The following PIAS4 variants were observed in gnomAD, a reference collection of about 807,000 sequenced individuals.
PIAS4 encodes the protein protein inhibitor of activated STAT 4.
PIAS4 carries 7 observed loss-of-function variants against 58.0 expected under a neutral mutation model. The observed-to-expected ratio is 0.12, with a 90% confidence interval of 0.07 to 0.23. PIAS4 has a LOEUF of 0.23. Ranked by LOEUF, PIAS4 falls within the 10% of genes least tolerant of loss-of-function variation. The pLI, the probability that PIAS4 is intolerant of heterozygous loss-of-function variation, is 1.00. For synonymous variants in PIAS4, 364 were observed against 312.4 expected (o/e 1.17, Z -1.74); for missense variants, 550 against 709.5 (o/e 0.78, Z 2.55).
chr19:4,015,823 G>A (rs574635921), intron 2 of PIAS4, among the ~76,000 whole-genome samples: 120 of 152,308 alleles, frequency 7.9e-4, no homozygotes, highest in African/African-American at 1.4e-3. Context: ...CGGAATAGCC[G>A]CCGGCCGGCT....
intron 1 of PIAS4, among the ~76,000 whole-genome samples, chr19:4,011,096 G>A (rs1287298180): frequency 6.6e-6 from 1 of 152,238 alleles, no homozygotes; most frequent in South Asian, 2.1e-4. Context: ...AAACCTCAGC[G>A]CCTCCTGGCA....
intron 2 of PIAS4, among the ~76,000 whole-genome samples, chr19:4,017,528 G>T (rs1014062224): frequency 1.3e-5 from 2 of 152,108 alleles, no homozygotes; most frequent in African/African-American, 2.4e-5. Flanking sequence ...TCTTGATCTG[G>T]GGGACCTGGG....
Position 4,037,334 on chromosome 19 carries a change from G to GC in PIAS4, c.1143-39dup. ...AGGGCTGGGGAGTTGGGGGGGTGGG[G>GC]CACCTCCAGCCCCGGCGTCAGCTGT... On this transcript the variant is annotated intron_variant, in intron 9 of 10. Coordinates refer to ENST00000262971, the MANE Select transcript of PIAS4 (RefSeq NM_015897.4). The surrounding 1 kb of genome is among the most constrained non-coding windows in gnomAD (Gnocchi z 5.8). 1 of 1,511,284 alleles carries GC rather than the reference G, an allele frequency of 6.6e-7. No homozygotes were observed. Among genetic ancestry groups the GC allele is most frequent in the Non-Finnish European group, 9.0e-7 (1 of 1,107,382 alleles). 93.6% of individuals were successfully genotyped at this position (1,511,284 alleles called of 1,614,324 possible). A position where few individuals can be genotyped will look rare whatever the true frequency, so the allele number is the denominator to read the frequency against.
chr19:4,032,984 C>T (rs1299413194), intron 7 of PIAS4, 116 bp from the exon 8 acceptor site: 11 of 806,980 alleles, frequency 1.4e-5, no homozygotes, highest in Non-Finnish European at 2.1e-5. Flanking sequence ...GCTTGGGACT[C>T]ATCGTCAGGG....
Position 4,024,092 on chromosome 19 carries a change from A to C in PIAS4, c.511A>C (p.Arg171=), listed in dbSNP as rs1167781909. 1 of 1,613,976 alleles carries C rather than the reference A, an allele frequency of 6.2e-7. No individual in the cohort carries two copies. The highest frequency in any genetic ancestry group is 2.2e-5 in the East Asian group (1 of 44,880). ...ESPCIFALTP[R]QVELIRNSRE... ...CCCGTGCATCTTCGCATTGACGCCA[A>C]GACAGGTGGAGTTGATCCGGAACTC... Residue 171 remains arginine, a synonymous_variant, in exon 3 of 11, where the codon AGA becomes CGA. Coordinates refer to ENST00000262971, the MANE Select transcript of PIAS4 (RefSeq NM_015897.4).
chr19:4,012,883 G>A (rs1568212033), intron 1 of PIAS4, 40 bp from the exon 2 acceptor site: 2 of 1,572,554 alleles, frequency 1.3e-6, no homozygotes, highest in East Asian at 2.3e-5. Flanking sequence ...CTGCCTCGCA[G>A]CTGTGTCCTC....
intron 7 of PIAS4, 101 bp from the exon 8 acceptor site, chr19:4,032,999 G>C (rs1036664445): frequency 1.8e-5 from 17 of 935,668 alleles, no homozygotes; most frequent in Non-Finnish European, 2.9e-5. Flanking sequence ...TCAGGGGCCT[G>C]TTCTGGGAGG....
rs1481836167 is a variant in PIAS4 at position 4,037,036 on chromosome 19, C to T, written c.1143-338C>T. Among the ~76,000 whole-genome samples the T allele has an allele frequency of 6.6e-6, 1 of 152,260 alleles. No homozygotes were observed. Among genetic ancestry groups the T allele is most frequent in the Non-Finnish European group, 1.5e-5 (1 of 68,046 alleles). On this transcript the variant is annotated intron_variant, in intron 9 of 10. Coordinates refer to ENST00000262971, the MANE Select transcript of PIAS4 (RefSeq NM_015897.4). The surrounding 1 kb of genome is among the most constrained non-coding windows in gnomAD (Gnocchi z 5.8). ...CCACACACGCTCAAACATGCGTGCA[C>T]ACCCGGAGGTGCCCAGAGGGGCAGG... is the stretch of plus-strand genomic sequence containing the variant.
At chr19:4,030,946 C>T (rs1474920151) in intron 7 of PIAS4, among the ~76,000 whole-genome samples, 1 of 152,158 alleles carries the variant, frequency 6.6e-6, no homozygotes, top group East Asian at 1.9e-4. Context: ...ACTGGGACCA[C>T]CTGCCAGGCT....
chr19:4,036,807 T>TCACACA (rs1255114715), intron 9 of PIAS4, among the ~76,000 whole-genome samples: 1 of 147,656 alleles, frequency 6.8e-6, no homozygotes. Flanking sequence ...GTCCACACCG[T>TCACACA]CACATATCTG....
chr19:4,036,402 C>T (rs2040286733), intron 9 of PIAS4, among the ~76,000 whole-genome samples: 1 of 138,576 alleles, frequency 7.2e-6, no homozygotes. Flanking sequence ...CTATACAGTC[C>T]ACACTGTCAC....
At chr19:4,029,462 G>T (rs987770608) in intron 7 of PIAS4, among the ~76,000 whole-genome samples, 3 of 152,190 alleles carry the variant, frequency 2.0e-5, no homozygotes, top group Non-Finnish European at 2.9e-5. Context: ...GGACGGCCAG[G>T]GTCGTGGAGG....
chr19:4,011,184 G>A (rs2144903781), intron 1 of PIAS4, among the ~76,000 whole-genome samples: 1 of 152,316 alleles, frequency 6.6e-6, no homozygotes, highest in East Asian at 1.9e-4. Context: ...GAGTTTGAAT[G>A]GTTTATTGGT....
chr19:4,019,124 C>T (rs1319494984), intron 2 of PIAS4, among the ~76,000 whole-genome samples: 1 of 152,148 alleles, frequency 6.6e-6, no homozygotes. Flanking sequence ...TGGATGTTTG[C>T]AGGACAGCAG....
intron 3 of PIAS4, 60 bp downstream of exon 3, chr19:4,024,180 C>A: frequency 1.6e-6 from 2 of 1,264,140 alleles, no homozygotes; most frequent in East Asian, 2.4e-5. Context: ...TTCTCCTGGG[C>A]TCACTGGGGA....
At position 4,033,485 on chromosome 19, in the gene PIAS4, C is replaced by T. The variant is rs769213357; in HGVS notation, c.1047C>T (p.Asp349=). Residue 349 remains aspartate (D), a synonymous_variant, in exon 9 of 11, where the codon GAC becomes GAT. Transcript: ENST00000262971. The stretch of plus-strand genomic sequence containing the variant: ...CCTGTGCCCACCTGCAGTGCTTCGA[C>T]GCCGTCTTCTACCTGCAGATGAACG... ...AETCAHLQCF[D]AVFYLQMNEK... The T allele has an allele frequency of 2.0e-5, 31 of 1,583,298 alleles. No individual in the cohort carries two copies. Among genetic ancestry groups the T allele is most frequent in the East Asian group, 2.3e-5 (1 of 43,576 alleles).
chr19:4,021,928 T>C (rs1037949516), intron 2 of PIAS4, among the ~76,000 whole-genome samples: 1 of 151,902 alleles, frequency 6.6e-6, no homozygotes, highest in African/African-American at 2.4e-5. Flanking sequence ...TAAAAATTTT[T>C]TGTAGAGACA....
intron 2 of PIAS4, among the ~76,000 whole-genome samples, chr19:4,020,075 C>T (rs563399455): frequency 1.3e-5 from 2 of 152,244 alleles, no homozygotes; most frequent in South Asian, 4.1e-4. Context: ...TGCCACCACG[C>T]CCGGCTAATT....
At chr19:4,033,272 T>C in intron 8 of PIAS4, 99 bp downstream of exon 8, 1 of 1,382,322 alleles carries the variant, frequency 7.2e-7, no homozygotes, top group Non-Finnish European at 1.0e-6. Flanking sequence ...GCCGTGAGCC[T>C]GCGGGGGCGA....
Sources: allele counts gnomAD v4.1 joint callset (sites outside exome capture counted in the v4.1 genomes callset), GRCh38; gene constraint gnomAD v4.1.1; non-coding constraint Gnocchi (gnomAD v3.1); transcripts MANE v1.5; gene names NCBI Gene and HGNC (gene_info 2026-07-23, HGNC 2026-07-21).